The following ZNF280D variants were observed in gnomAD, a reference collection of about 807,000 sequenced individuals.
ZNF280D encodes the protein suppressor of hairy wing homolog 4.
A neutral mutation model predicts 94.7 loss-of-function variants in ZNF280D; 39 were observed. The observed-to-expected ratio is 0.41, with a 90% CI of 0.32 to 0.54. The LOEUF is 0.54. Ranked by LOEUF, ZNF280D falls within the 20% of genes least tolerant of loss-of-function variation. The probability of loss-of-function intolerance (pLI) is 0.22; values close to 1 mark genes in which losing one functional copy is unlikely to be tolerated. For synonymous variants in ZNF280D, 398 were observed against 377.6 expected, an observed-to-expected ratio of 1.05 and a Z score of -0.63; for missense variants, 1,090 against 1,149.3, an observed-to-expected ratio of 0.95 and a Z score of 0.75.
At chr15:56,664,762 T>C (rs1368450716) in intron 16 of ZNF280D, among the ~76,000 whole-genome samples, 4 of 152,146 alleles carry the variant, frequency 2.6e-5, no homozygotes, top group Admixed American at 2.0e-4. Flanking sequence ...CAAGGACCAT[T>C]TGATAGTCTA....
intron 19 of ZNF280D, chr15:56,653,703 C>A: frequency 1.5e-6 from 2 of 1,327,298 alleles, no homozygotes; most frequent in Non-Finnish European, 9.6e-7. Context: ...AGCAGACAAA[C>A]AGACAAAAGA....
intron 19 of ZNF280D, among the ~76,000 whole-genome samples, chr15:56,651,561 T>C (rs1408147831): frequency 2.0e-5 from 3 of 152,114 alleles, no homozygotes; most frequent in Non-Finnish European, 4.4e-5. Context: ...AAAAAGTCTA[T>C]GTAAGACCAC....
intron 9 of ZNF280D, among the ~76,000 whole-genome samples, chr15:56,686,404 G>A (rs765647124): frequency 6.6e-6 from 1 of 152,158 alleles, no homozygotes; most frequent in Non-Finnish European, 1.5e-5. Context: ...CTCCCAAAGT[G>A]CTGGGATTAC....
Position 56,632,008 on chromosome 15 carries a change from AT to A in ZNF280D, c.2429del (p.Asn810MetfsTer42). On this transcript the variant is annotated frameshift_variant, in exon 22 of 22. Transcript: ENST00000267807. LOFTEE classifies it low-confidence loss of function (END_TRUNC). ...EESITVSDKENETCLADQETG... is the reference protein window; with the variant it reads ...EESITVSDKEXETCLADQETG... ...TTTCCTGGTCTGCAAGACAGGTTTCATTTTCCTTATCTGAAACTGTTATGCT... is the reference window on the plus strand; with the variant it reads ...TTTCCTGGTCTGCAAGACAGGTTTCATTTCCTTATCTGAAACTGTTATGCT... The A allele has an allele frequency of 6.2e-7, 1 of 1,613,880 alleles. No individual in the cohort carries two copies. The highest frequency in any genetic ancestry group is 8.5e-7 in the Non-Finnish European group (1 of 1,179,972).
In ZNF280D at chr15:56,707,507, G is replaced by A. The variant is rs558693656; in HGVS notation, c.-85-201C>T. Among the ~76,000 whole-genome samples the A allele has an allele frequency of 2.6e-5, 4 of 152,082 alleles. No homozygotes were observed. The East Asian group carries it at 7.7e-4, about 29-fold the overall frequency. ...TGATTATACTTGGCACTTAATACTC[G>A]AAGAAATGTGATGATTTGTAAATTA... is the stretch of plus-strand genomic sequence containing the variant. On this transcript the variant is annotated intron_variant, in intron 1 of 21. Transcript: ENST00000267807.
intron 17 of ZNF280D, among the ~76,000 whole-genome samples, chr15:56,656,118 T>G (rs2053536328): frequency 6.6e-6 from 1 of 152,170 alleles, no homozygotes; most frequent in Non-Finnish European, 1.5e-5. Context: ...GTTATTTATG[T>G]TCACACCTTA....
chr15:56,636,244 T>C (rs751454297), intron 20 of ZNF280D, among the ~76,000 whole-genome samples: 3 of 152,156 alleles, frequency 2.0e-5, no homozygotes, highest in Non-Finnish European at 4.4e-5. Flanking sequence ...GTTACTGATT[T>C]AGCAGTATGG....
At chr15:56,699,411 A>G (rs2056929482) in intron 6 of ZNF280D, 8 of 861,362 alleles carry the variant, frequency 9.3e-6, no homozygotes, top group Non-Finnish European at 1.1e-5. Flanking sequence ...AAAATAATGC[A>G]CATTTTTCAG....
intron 20 of ZNF280D, among the ~76,000 whole-genome samples, chr15:56,640,377 G>T (rs1192189620): frequency 6.6e-6 from 1 of 152,014 alleles, no homozygotes; most frequent in Non-Finnish European, 1.5e-5. Context: ...TCCCAGCTCT[G>T]TCTCCAAAGT....
At chr15:56,654,098 C>A (rs8028457) in intron 19 of ZNF280D, 100 bp downstream of exon 19, 1,492,263 of 1,511,446 alleles carry the variant, frequency 0.99, 738,398 homozygotes, top group East Asian at 1. Context: ...AAAACAACAA[C>A]ATACTTTAAT....
intron 6 of ZNF280D, among the ~76,000 whole-genome samples, chr15:56,697,592 A>C (rs1397057439): frequency 6.6e-6 from 1 of 152,178 alleles, no homozygotes; most frequent in Non-Finnish European, 1.5e-5. Context: ...AACAATATAC[A>C]TTTTTAGGAA....
intron 1 of ZNF280D, among the ~76,000 whole-genome samples, chr15:56,718,313 T>C (rs908785179): frequency 3.3e-5 from 5 of 152,132 alleles, no homozygotes; most frequent in Non-Finnish European, 7.4e-5. Flanking sequence ...AGTATATTCT[T>C]TAAAAAAAAG....
chr15:56,644,401 A>C (rs2052779115), intron 19 of ZNF280D, among the ~76,000 whole-genome samples: 1 of 152,128 alleles, frequency 6.6e-6, no homozygotes, highest in East Asian at 1.9e-4. Context: ...GTTATGAAGT[A>C]CTAAGAAAAC....
At chr15:56,691,414 G>A (rs28620046) in intron 7 of ZNF280D, among the ~76,000 whole-genome samples, 26,298 of 152,092 alleles carry the variant, frequency 0.17, 2,462 homozygotes, top group Admixed American at 0.23. Context: ...AATGAATGCT[G>A]GAATTCTGAA....
At chr15:56,654,343 T>A (rs1566939230) in intron 18 of ZNF280D, 42 bp downstream of exon 18, 2 of 1,595,248 alleles carry the variant, frequency 1.3e-6, no homozygotes, top group Admixed American at 1.8e-5. Flanking sequence ...AATACTGGAA[T>A]AAAAGTCAAA....
chr15:56,668,688 A>G, intron 14 of ZNF280D, 135 bp downstream of exon 14: 1 of 824,044 alleles, frequency 1.2e-6, no homozygotes, highest in Non-Finnish European at 1.8e-6. Flanking sequence ...CCTTCTACAC[A>G]TAAAATTAAA....
At chr15:56,723,554 T>C (rs1194227032) in intron 1 of ZNF280D, among the ~76,000 whole-genome samples, 6 of 152,218 alleles carry the variant, frequency 3.9e-5, no homozygotes, top group Non-Finnish European at 7.3e-5. Flanking sequence ...TTATAAAAGT[T>C]AGTTTTACTT....
At chr15:56,641,995 C>T (rs547203451) in intron 20 of ZNF280D, among the ~76,000 whole-genome samples, 3 of 151,582 alleles carry the variant, frequency 2.0e-5, no homozygotes, top group Non-Finnish European at 3.0e-5. Flanking sequence ...CACAAACTGT[C>T]AATATCATGA....
At chr15:56,722,007 T>C (rs2058393834) in intron 1 of ZNF280D, among the ~76,000 whole-genome samples, 1 of 152,186 alleles carries the variant, frequency 6.6e-6, no homozygotes, top group Non-Finnish European at 1.5e-5. Flanking sequence ...TTCCTTATAC[T>C]TGAACACTTA....
Sources: allele counts gnomAD v4.1 joint callset (sites outside exome capture counted in the v4.1 genomes callset), GRCh38; gene constraint gnomAD v4.1.1; transcripts MANE v1.5; gene names NCBI Gene and HGNC (gene_info 2026-07-23, HGNC 2026-07-21).